The following SLIT3 variants were observed in gnomAD, a reference collection of about 807,000 sequenced individuals.
SLIT3 encodes the protein slit guidance ligand 3, also known as slit homolog 3 protein.
SLIT3 carries 68 observed loss-of-function variants against 184.0 expected under a neutral mutation model. That is an observed-to-expected ratio of 0.37 (90% confidence interval 0.30 to 0.45). The LOEUF (loss-of-function observed/expected upper bound fraction) is 0.45, where lower values mean the gene tolerates loss of function less well. Ranked by LOEUF, SLIT3 falls within the 20% of genes least tolerant of loss-of-function variation. The pLI, the probability that SLIT3 is intolerant of heterozygous loss-of-function variation, is 1.00. For missense variants in SLIT3, 1,707 were observed against 2,026.0 expected (o/e 0.84, Z 3.02); for synonymous variants, 831 against 828.6 (o/e 1.00, Z -0.05).
At chr5:168,856,804 T>TGCGCGCGCGC (rs1330091597) in intron 5 of SLIT3, among the ~76,000 whole-genome samples, 5 of 138,204 alleles carry the variant, frequency 3.6e-5, no homozygotes, top group African/African-American at 1.4e-4. Flanking sequence ...TGTGTGTGTG[T>TGCGCGCGCGC]GTGCGCGCGC....
At chr5:169,043,559 A>C (rs1757521032) in intron 4 of SLIT3, among the ~76,000 whole-genome samples, 1 of 152,242 alleles carries the variant, frequency 6.6e-6, no homozygotes, top group Admixed American at 6.5e-5. Flanking sequence ...TTGCCTATCA[A>C]ACTCTCTTTT....
chr5:168,724,553 G>C (rs754433335), intron 20 of SLIT3, 69 bp from the exon 21 acceptor site: 262 of 1,385,532 alleles, frequency 1.9e-4, no homozygotes, highest in Non-Finnish European at 2.5e-4. Context: ...TTTCAGAGAA[G>C]CCTCCCTGAC....
intron 4 of SLIT3, among the ~76,000 whole-genome samples, chr5:169,140,646 G>C (rs1581450864): frequency 6.6e-6 from 1 of 151,994 alleles, no homozygotes; most frequent in South Asian, 2.1e-4. Context: ...TCTACAAAGA[G>C]AGAAAAAAGT....
In SLIT3 at chr5:169,181,746, A is replaced by AC. The variant is rs1250399103; in HGVS notation, c.413+11732_413+11733insG. Among the ~76,000 whole-genome samples, 8 of 151,902 alleles carry AC rather than the reference A, an allele frequency of 5.3e-5. No homozygotes were observed. In the East Asian group the frequency reaches 1.5e-3, roughly 29 times the overall value. On this transcript the variant is annotated intron_variant, in intron 4 of 35. Coordinates refer to ENST00000519560, the MANE Select transcript of SLIT3 (RefSeq NM_003062.4). ...ACAGAGCGAGACTTCATCTCAAAAAAAAAAAAAAATTATTGAAGTTAGATT... is the reference window on the plus strand; with the variant it reads ...ACAGAGCGAGACTTCATCTCAAAAAACAAAAAAAAATTATTGAAGTTAGATT...
At chr5:168,781,900 T>A (rs926946583) in intron 12 of SLIT3, among the ~76,000 whole-genome samples, 1 of 152,156 alleles carries the variant, frequency 6.6e-6, no homozygotes, top group Non-Finnish European at 1.5e-5. Context: ...ACCCTCAGTT[T>A]CCCCCTCTGT....
At chr5:168,721,753 C>T (rs1437400009) in intron 23 of SLIT3, among the ~76,000 whole-genome samples, 5 of 152,304 alleles carry the variant, frequency 3.3e-5, no homozygotes, top group African/African-American at 1.2e-4. Context: ...GCCAACCCCA[C>T]AATTGCTAAC....
intron 5 of SLIT3, among the ~76,000 whole-genome samples, chr5:168,851,882 G>T (rs150346852): frequency 6.6e-6 from 1 of 152,170 alleles, no homozygotes; most frequent in Admixed American, 6.5e-5. Flanking sequence ...TTTCAGTTCT[G>T]TTGGCTCTAA....
chr5:169,263,691 C>G (rs1174582740), intron 1 of SLIT3: 2 of 511,312 alleles, frequency 3.9e-6, no homozygotes, highest in Admixed American at 2.1e-5. Flanking sequence ...GCACAGACAC[C>G]CCACACTCCC....
At chr5:169,081,833 CACTT>C (rs760880989) in intron 4 of SLIT3, among the ~76,000 whole-genome samples, 2 of 152,202 alleles carry the variant, frequency 1.3e-5, no homozygotes, top group African/African-American at 2.4e-5. Flanking sequence ...TACACCGTCT[CACTT>C]ACTCTTCACA....
intron 20 of SLIT3, among the ~76,000 whole-genome samples, chr5:168,725,072 A>T (rs572456570): frequency 1.3e-5 from 2 of 152,200 alleles, no homozygotes; most frequent in Admixed American, 1.3e-4. Context: ...AAACTGAGGA[A>T]ATGGGGGGCT....
rs140688793 is a variant in SLIT3, at chr5:169,192,987, C to T, written c.413+492G>A. ...TTCAACACATTTCTTCCTTTTCCCA[C>T]AAAATCATAAACCCCCAGACCCAGG... On this transcript the variant is annotated intron_variant, in intron 4 of 35. Transcript: ENST00000519560. 1.9e-3 allele frequency among the ~76,000 whole-genome samples: 295 copies of T among 152,264 alleles called. 1 individual carries two copies. The highest frequency in any genetic ancestry group is 6.4e-3 in the African/African-American group (268 of 41,566).
intron 4 of SLIT3, among the ~76,000 whole-genome samples, chr5:169,105,109 G>A (rs751196011): frequency 4.6e-5 from 7 of 152,104 alleles, no homozygotes; most frequent in Admixed American, 2.0e-4. Context: ...CTCTGTGAAC[G>A]GCAGGTTTCT....
intron 35 of SLIT3, 126 bp from the exon 36 acceptor site, chr5:168,666,815 A>T: frequency 6.8e-7 from 1 of 1,465,104 alleles, no homozygotes; most frequent in East Asian, 2.4e-5. Flanking sequence ...TCACTCATCC[A>T]TCTGCCTACC....
intron 4 of SLIT3, among the ~76,000 whole-genome samples, chr5:169,029,261 T>C (rs937793563): frequency 6.6e-6 from 1 of 152,200 alleles, no homozygotes; most frequent in Admixed American, 6.5e-5. Context: ...CGAGAAGACA[T>C]AGCCACAGGA....
intron 4 of SLIT3, among the ~76,000 whole-genome samples, chr5:168,941,893 A>G (rs1350039332): frequency 6.6e-6 from 1 of 152,216 alleles, no homozygotes; most frequent in Non-Finnish European, 1.5e-5. Flanking sequence ...CAGACTGTTA[A>G]GCTTTGGACC....
intron 4 of SLIT3, among the ~76,000 whole-genome samples, chr5:169,129,952 G>A (rs1387068811): frequency 2.0e-5 from 3 of 152,068 alleles, no homozygotes; most frequent in Non-Finnish European, 4.4e-5. Flanking sequence ...GGGTTCGAGC[G>A]ATTCTCCTGC....
At chr5:168,831,647 A>G (rs1271675077) in intron 6 of SLIT3, among the ~76,000 whole-genome samples, 1 of 152,196 alleles carries the variant, frequency 6.6e-6, no homozygotes, top group African/African-American at 2.4e-5. Flanking sequence ...ACCCGACTCT[A>G]AAGTGATTTG....
chr5:168,792,298 G>T (rs1428828912), intron 10 of SLIT3: 1 of 152,258 alleles, frequency 6.6e-6, no homozygotes, highest in Non-Finnish European at 1.5e-5. Flanking sequence ...CTTGACCAGT[G>T]CTTCTCAAAC....
chr5:168,815,903 T>C (rs1345948415), intron 8 of SLIT3, among the ~76,000 whole-genome samples: 1 of 152,188 alleles, frequency 6.6e-6, no homozygotes, highest in Non-Finnish European at 1.5e-5. Flanking sequence ...CTCACAGTGC[T>C]TAAGCTCCCT....
Sources: allele counts gnomAD v4.1 joint callset (sites outside exome capture counted in the v4.1 genomes callset), GRCh38; gene constraint gnomAD v4.1.1; transcripts MANE v1.5; gene names NCBI Gene and HGNC (gene_info 2026-07-23, HGNC 2026-07-21).